Variants in MCTP2 observed in about 807,000 individuals in gnomAD.
MCTP2 encodes multiple C2 and transmembrane domain containing 2, also known as multiple C2 and transmembrane domain-containing protein 2.
In MCTP2, 132 loss-of-function variants were observed where a neutral mutation model predicts 111.6. The ratio of observed to expected loss-of-function variants is 1.18; its 90% CI spans 1.03 to 1.37. MCTP2 has a LOEUF of 1.37. Ranked by LOEUF, MCTP2 falls within the 40% of genes most tolerant of loss-of-function variation. The pLI, the probability that MCTP2 is intolerant of heterozygous loss-of-function variation, is 0.00. For missense variants in MCTP2, 1,183 were observed against 1,067.9 expected (o/e 1.11, Z -1.50); for synonymous variants, 395 against 387.7 (o/e 1.02, Z -0.22).
chr15:94,255,015 A>G (rs892834516), intron 1 of MCTP2, among the ~76,000 whole-genome samples: 1 of 152,230 alleles, frequency 6.6e-6, no homozygotes, highest in Non-Finnish European at 1.5e-5. Flanking sequence ...AGGGCTTGGC[A>G]AAGCTGGGAT....
At chr15:94,398,875 AT>A (rs2152471991) in intron 14 of MCTP2, 85 bp from the exon 15 acceptor site, 1 of 725,126 alleles carries the variant, frequency 1.4e-6, no homozygotes, top group African/African-American at 1.8e-5. Context: ...TGCATCCCCA[AT>A]TTTGCCAAAG....
chr15:94,325,969 G>A (rs1476682456), intron 4 of MCTP2, among the ~76,000 whole-genome samples: 3 of 151,682 alleles, frequency 2.0e-5, no homozygotes, highest in Non-Finnish European at 2.9e-5. Context: ...ACAGGCATGC[G>A]CCACCATGCC....
intron 17 of MCTP2, among the ~76,000 whole-genome samples, chr15:94,419,591 G>T (rs1433264604): frequency 6.6e-6 from 1 of 151,974 alleles, no homozygotes; most frequent in Non-Finnish European, 1.5e-5. Flanking sequence ...GGAAGAACAT[G>T]CCACCTCCTA....
At chr15:94,315,023 C>G (rs1321076133) in intron 3 of MCTP2, among the ~76,000 whole-genome samples, 3 of 152,146 alleles carry the variant, frequency 2.0e-5, no homozygotes, top group African/African-American at 4.8e-5. Context: ...GTGGGGGCAT[C>G]AGCTGAGTGC....
chr15:94,239,295 A>G (rs1454398875), intron 1 of MCTP2, among the ~76,000 whole-genome samples: 1 of 152,228 alleles, frequency 6.6e-6, no homozygotes. Flanking sequence ...TCTTCGGTTT[A>G]TAGTCTGGAA....
intron 1 of MCTP2, among the ~76,000 whole-genome samples, chr15:94,248,451 C>A (rs984872606): frequency 2.0e-5 from 3 of 152,174 alleles, no homozygotes; most frequent in Non-Finnish European, 4.4e-5. Context: ...GAACTTTGCT[C>A]CCAATGAGAG....
chr15:94,300,576 G>T (rs2075563297), intron 2 of MCTP2, among the ~76,000 whole-genome samples: 1 of 151,662 alleles, frequency 6.6e-6, no homozygotes, highest in African/African-American at 2.4e-5. Flanking sequence ...TGCTACTCTA[G>T]GCCAGGCAGT....
Position 94,350,821 on chromosome 15 carries a change from G to C in MCTP2, c.1006-5316G>C, listed in dbSNP as rs556457702. Among the ~76,000 whole-genome samples, 75 of 152,058 alleles carry C rather than the reference G, an allele frequency of 4.9e-4. No individual in the cohort carries two copies. In the South Asian group the frequency reaches 0.014, roughly 29 times the overall value. On this transcript the variant is annotated intron_variant, in intron 8 of 22. Transcript: ENST00000357742. Reference sequence around the variant, plus strand: ...TATAACTTGAGCTTCCTACAGGTCAGGGCAAAAAGAAAATCTTGTTGAATC... The same window carrying C: ...TATAACTTGAGCTTCCTACAGGTCACGGCAAAAAGAAAATCTTGTTGAATC...
intron 14 of MCTP2, among the ~76,000 whole-genome samples, chr15:94,392,053 TA>T (rs1019965979): frequency 5.3e-5 from 8 of 151,620 alleles, no homozygotes; most frequent in South Asian, 2.1e-4. Context: ...GTTTTAGGGG[TA>T]AAAAAAAGAT....
At chr15:94,359,880 G>T (rs1340994903) in intron 10 of MCTP2, among the ~76,000 whole-genome samples, 4 of 152,132 alleles carry the variant, frequency 2.6e-5, no homozygotes, top group African/African-American at 9.7e-5. Context: ...TCCTGAGATA[G>T]ATGCGTGAGG....
intron 12 of MCTP2, 69 bp from the exon 13 acceptor site, chr15:94,383,953 T>C: frequency 8.9e-7 from 1 of 1,122,338 alleles, no homozygotes; most frequent in Non-Finnish European, 1.3e-6. Context: ...TATCTGACTC[T>C]TGTTCACATT....
chr15:94,366,927 T>C (rs576508091), intron 10 of MCTP2, among the ~76,000 whole-genome samples: 3 of 152,320 alleles, frequency 2.0e-5, no homozygotes, highest in African/African-American at 7.2e-5. Context: ...ACATTGGCTG[T>C]TAAGAGGCGG....
chr15:94,352,027 A>T (rs535814069), intron 8 of MCTP2, among the ~76,000 whole-genome samples: 2 of 152,322 alleles, frequency 1.3e-5, no homozygotes, highest in East Asian at 3.9e-4. Flanking sequence ...AGGAAAAGGG[A>T]TACTGGAATT....
intron 20 of MCTP2, among the ~76,000 whole-genome samples, chr15:94,466,433 A>T (rs1345949): frequency 2.6e-5 from 4 of 151,836 alleles, no homozygotes; most frequent in Non-Finnish European, 4.4e-5. Context: ...CCTTTCTTAA[A>T]TTTTTTTGCT....
intron 1 of MCTP2, among the ~76,000 whole-genome samples, chr15:94,271,884 A>G (rs543547530): frequency 2.6e-4 from 39 of 152,328 alleles, no homozygotes; most frequent in African/African-American, 8.9e-4. Flanking sequence ...TAACCTTTCA[A>G]TTACATTTAC....
chr15:94,328,116 G>A (rs1255267203), intron 4 of MCTP2, among the ~76,000 whole-genome samples: 1 of 148,004 alleles, frequency 6.8e-6, no homozygotes, highest in African/African-American at 2.5e-5. Flanking sequence ...TTTTTATCAA[G>A]TGTTTATTTC....
intron 2 of MCTP2, 144 bp from the exon 3 acceptor site, chr15:94,314,138 C>A: frequency 1.7e-6 from 1 of 596,168 alleles, no homozygotes; most frequent in African/African-American, 1.9e-5. Context: ...CGTCTCCTTG[C>A]CACACAAACA....
chr15:94,403,366 A>G (rs1423553971), intron 17 of MCTP2: 1 of 408,562 alleles, frequency 2.4e-6, no homozygotes, highest in African/African-American at 2.2e-5. Flanking sequence ...CCCCAGCTCC[A>G]CTTCCCACCC....
At chr15:94,415,010 G>A (rs1453788712) in intron 17 of MCTP2, among the ~76,000 whole-genome samples, 1 of 152,124 alleles carries the variant, frequency 6.6e-6, no homozygotes, top group Admixed American at 6.6e-5. Context: ...AGAGTCAGTG[G>A]ACAGTAGTGC....
Sources: allele counts gnomAD v4.1 joint callset (sites outside exome capture counted in the v4.1 genomes callset), GRCh38; gene constraint gnomAD v4.1.1; transcripts MANE v1.5; gene names NCBI Gene and HGNC (gene_info 2026-07-23, HGNC 2026-07-21).